CHMP4A: variants seen among roughly 807,000 people sequenced by gnomAD.
CHMP4A encodes the protein charged multivesicular body protein 4A.
CHMP4A carries 29 observed loss-of-function variants against 28.2 expected under a neutral mutation model. The observed-to-expected ratio is 1.03, with a 90% CI of 0.77 to 1.40. The LOEUF (loss-of-function observed/expected upper bound fraction) is 1.40. CHMP4A is among the 40% of genes most tolerant of loss of function. The pLI, the probability that CHMP4A is intolerant of heterozygous loss-of-function variation, is 0.00. For missense variants in CHMP4A, 241 were observed against 263.5 expected (o/e 0.91, Z 0.59); for synonymous variants, 88 against 99.3 (o/e 0.89, Z 0.67).
At position 24,211,752 on chromosome 14, in the gene CHMP4A, G is replaced by A; in HGVS notation, c.109C>T (p.Gln37Ter). The A allele has an allele frequency of 6.2e-7, 1 of 1,614,100 alleles. No homozygotes were observed. Among genetic ancestry groups the A allele is most frequent in the Non-Finnish European group, 8.5e-7 (1 of 1,180,030 alleles). The change falls in exon 2 of 6, where the codon CAG becomes TAG. Residue 37 changes from glutamine (Q) to a stop codon, truncating the protein, a stop_gained. Transcript: ENST00000347519. LOFTEE classifies it high-confidence loss of function. The part of the protein sequence containing the change: ...KETEKILIKK[Q>*]EFLEQKIQQE... ...TGAATCTTCTGCTCCAAAAATTCCTGTTTCTTGATCAGTATCTTCTCTGTC... is the reference window on the plus strand; with the variant it reads ...TGAATCTTCTGCTCCAAAAATTCCTATTTCTTGATCAGTATCTTCTCTGTC...
chr14:24,209,823 C>T lies in CHMP4A; in HGVS notation c.*54G>A, dbSNP rs2039574625. 1 of 1,550,924 alleles carries T rather than the reference C, an allele frequency of 6.4e-7. No homozygotes were observed. On this transcript the variant is annotated 3_prime_UTR_variant, in exon 6 of 6. Coordinates refer to ENST00000347519, the MANE Select transcript of CHMP4A (RefSeq NM_014169.5). ...TCCTCCTTTAGCTCAGCACTTGGCA[C>T]TTAAGGAAGAAAGGACCAACAAAGG...
chr14:24,210,823 T>A, intron 3 of CHMP4A, 55 bp from the exon 4 acceptor site: 8 of 1,303,564 alleles, frequency 6.1e-6, no homozygotes, highest in Non-Finnish European at 8.9e-6. Flanking sequence ...CTTGACTTTC[T>A]CATCTCACAT....
intron 1 of CHMP4A, chr14:24,213,056 T>C (rs1490764938): frequency 4.1e-5 from 11 of 265,532 alleles, no homozygotes; most frequent in East Asian, 1.1e-4. Context: ...CAAAGTATTA[T>C]AGAACAAGGT....
intron 3 of CHMP4A, chr14:24,211,195 C>G: frequency 2.0e-6 from 1 of 511,672 alleles, no homozygotes. Context: ...AAAAACAAAA[C>G]AAAACAAAAC....
At chr14:24,211,932 T>C (rs2039594871) in intron 1 of CHMP4A, 103 bp from the exon 2 acceptor site, 4 of 1,022,204 alleles carry the variant, frequency 3.9e-6, no homozygotes, top group African/African-American at 1.6e-5. Context: ...GTGTTATTGC[T>C]AATCCCCAAA....
intron 1 of CHMP4A, chr14:24,212,739 G>A (rs868684894): frequency 1.1e-4 from 10 of 93,676 alleles, no homozygotes; most frequent in Non-Finnish European, 1.8e-4. Flanking sequence ...TTTTTTTTTT[G>A]TATTTTTAGT....
In CHMP4A at chr14:24,209,621, C is replaced by G; in HGVS notation, c.*256G>C. 4.3e-6 allele frequency: 2 copies of G among 463,880 alleles called. No individual in the cohort carries two copies. Among genetic ancestry groups the G allele is most frequent in the Non-Finnish European group, 3.9e-6 (1 of 253,552 alleles). 28.7% of individuals were successfully genotyped at this position (463,880 alleles called of 1,614,324 possible). On this transcript the variant is annotated 3_prime_UTR_variant, in exon 6 of 6. Coordinates refer to ENST00000347519, the MANE Select transcript of CHMP4A (RefSeq NM_014169.5). ...GGCAGTATAGACACTAGGATTCCAT[C>G]TGCCCAGTTTTATTGGGAACAAGGG...
chr14:24,211,268 A>G lies in CHMP4A; in HGVS notation c.359+147T>C, dbSNP rs868659497. 217 of 667,662 alleles carry G rather than the reference A, an allele frequency of 3.3e-4. 1 individual carries two copies. The African/African-American group carries it at 3.7e-3, about 12-fold the overall frequency. The allele number at this position is 667,662 out of a possible 1,614,324, so 41.4% of individuals were successfully genotyped here. On this transcript the variant is annotated intron_variant, in intron 3 of 5. Transcript: ENST00000347519. The stretch of plus-strand genomic sequence containing the variant: ...ATGCCCCAGGCAGCGAAAGAATTTT[A>G]TAGGAAGCAAGGGGCAGATGGATGT...
chr14:24,210,046 C>A, intron 5 of CHMP4A, 111 bp from the exon 6 acceptor site: 1 of 1,069,688 alleles, frequency 9.3e-7, no homozygotes. Context: ...GTCTCCCCAG[C>A]AAAAAACCTA....
At chr14:24,210,913 A>C (rs2138859572) in intron 3 of CHMP4A, 145 bp from the exon 4 acceptor site, 3 of 652,826 alleles carry the variant, frequency 4.6e-6, no homozygotes, top group South Asian at 3.6e-5. Context: ...GGAAAATTGC[A>C]AAGATGCAAG....
At position 24,211,747 on chromosome 14, in the gene CHMP4A, T is replaced by C; in HGVS notation, c.114A>G (p.Glu38=). The C allele has an allele frequency of 5.6e-6, 9 of 1,614,252 alleles. No individual in the cohort carries two copies. Among genetic ancestry groups the C allele is most frequent in the Non-Finnish European group, 7.6e-6 (9 of 1,180,042 alleles). The part of the protein sequence containing the change: ...ETEKILIKKQ[E]FLEQKIQQEL... ...CCTGTTGAATCTTCTGCTCCAAAAA[T>C]TCCTGTTTCTTGATCAGTATCTTCT... The change falls in exon 2 of 6, where the codon GAA becomes GAG. Residue 38 remains glutamate, a synonymous_variant. Transcript: ENST00000347519.
rs1453116952 is a variant in CHMP4A at position 24,213,266 on chromosome 14, T to A, written c.31+143A>T. Reference sequence around the variant, plus strand: ...ACCGGCGATGAGCCTTGCTCCGCCATCGGCCGCCGGGGTTTTCCAGTCAGC... The same window carrying A: ...ACCGGCGATGAGCCTTGCTCCGCCAACGGCCGCCGGGGTTTTCCAGTCAGC... On this transcript the variant is annotated intron_variant, in intron 1 of 5. Coordinates refer to ENST00000347519, the MANE Select transcript of CHMP4A (RefSeq NM_014169.5). 5 of 1,045,660 alleles carry A rather than the reference T, an allele frequency of 4.8e-6. No individual in the cohort carries two copies. The Admixed American group carries it at 1.5e-4, about 31-fold the overall frequency. The allele number at this position is 1,045,660 out of a possible 1,614,324, so 64.8% of individuals were successfully genotyped here.
intron 3 of CHMP4A, 176 bp downstream of exon 3, chr14:24,211,239 T>C (rs1341615795): frequency 2.1e-5 from 12 of 561,592 alleles, no homozygotes; most frequent in Non-Finnish European, 3.8e-5. Flanking sequence ...CTTTCCTCCC[T>C]AGAATGCCCC....
At chr14:24,211,343 A>T in intron 3 of CHMP4A, 72 bp downstream of exon 3, 1 of 1,321,836 alleles carries the variant, frequency 7.6e-7, no homozygotes, top group Non-Finnish European at 1.0e-6. Flanking sequence ...GAGAGGCTTT[A>T]AAGTTTAAAG....
At chr14:24,210,520 A>G in intron 4 of CHMP4A, 37 bp from the exon 5 acceptor site, 1 of 1,603,064 alleles carries the variant, frequency 6.2e-7, no homozygotes, top group Non-Finnish European at 8.5e-7. Context: ...AGATGAAGAA[A>G]AAAACTTCTA....
intron 1 of CHMP4A, 45 bp from the exon 2 acceptor site, chr14:24,211,874 T>C (rs1433278233): frequency 9.0e-6 from 14 of 1,553,110 alleles, no homozygotes; most frequent in Non-Finnish European, 1.2e-5. Context: ...GAAGGAAAAA[T>C]ATTAGCCACC....
chr14:24,212,554 A>T (rs2039602538), intron 1 of CHMP4A: 9 of 316,426 alleles, frequency 2.8e-5, no homozygotes, highest in South Asian at 4.9e-5. Flanking sequence ...TGCCCACCTA[A>T]TTTTTTTTTT....
chr14:24,211,272 GAAGC>G (rs2039588400), intron 3 of CHMP4A, 139 bp downstream of exon 3: 2 of 683,926 alleles, frequency 2.9e-6, no homozygotes, highest in South Asian at 5.3e-5. Context: ...AATTTTATAG[GAAGC>G]AAGGGGCAGA....
In CHMP4A at chr14:24,209,921, C is replaced by T. The variant is rs371017683; in HGVS notation, c.625G>A (p.Glu209Lys). Reference sequence around the variant, plus strand: ...AACTGCTTTAGTGCTTCTTCATCTTCATCCACTTTGGGAGCTTTGAGGACA... The same window carrying T: ...AACTGCTTTAGTGCTTCTTCATCTTTATCCACTTTGGGAGCTTTGAGGACA... ...LPAGPAPKVD[E>K]DEEALKQLAE... is the part of the protein sequence containing the mutation. Residue 209 changes from glutamate (E) to lysine (K), a missense_variant, in exon 6 of 6, where the codon GAA becomes AAA. By Grantham distance (56) the Glu-to-Lys change is moderately conservative (BLOSUM62 1). Coordinates refer to ENST00000347519, the MANE Select transcript of CHMP4A (RefSeq NM_014169.5). 6.2e-7 allele frequency: 1 copy of T among 1,614,110 alleles called. No homozygotes were observed. The highest frequency in any genetic ancestry group is 1.3e-5 in the African/African-American group (1 of 75,054).
Sources: gnomAD v4.1 joint callset for allele counts on GRCh38, gnomAD v4.1.1 for gene constraint, MANE v1.5 for transcripts, NCBI Gene and HGNC (gene_info 2026-07-23, HGNC 2026-07-21) for gene names.